The following ZC3H8 variants were observed in gnomAD, a reference collection of about 807,000 sequenced individuals.
The protein encoded by ZC3H8 is zinc finger CCCH domain-containing protein 8.
A neutral mutation model predicts 42.5 loss-of-function variants in ZC3H8; 27 were observed. The ratio of observed to expected loss-of-function variants is 0.64; its 90% CI spans 0.47 to 0.88. The LOEUF (loss-of-function observed/expected upper bound fraction) is 0.88. ZC3H8 is among the 40% of genes least tolerant of loss of function. The probability of loss-of-function intolerance (pLI) is 0.00; values close to 1 mark genes in which losing one functional copy is unlikely to be tolerated. For synonymous variants in ZC3H8, 101 were observed against 110.1 expected (o/e 0.92, Z 0.52); for missense variants, 277 against 336.1 (o/e 0.82, Z 1.37).
At chr2:112,218,118 A>G (rs1684409558) in intron 8 of ZC3H8, among the ~76,000 whole-genome samples, 1 of 152,222 alleles carries the variant, frequency 6.6e-6, no homozygotes, top group Admixed American at 6.5e-5. Context: ...TGCAACTCAG[A>G]TAACACAGCA....
At chr2:112,254,565 C>A (rs185898860) in intron 1 of ZC3H8, among the ~76,000 whole-genome samples, 1 of 152,364 alleles carries the variant, frequency 6.6e-6, no homozygotes, top group African/African-American at 2.4e-5. Flanking sequence ...ACGGTAAAGA[C>A]AGACGCTACG....
intron 5 of ZC3H8, among the ~76,000 whole-genome samples, chr2:112,233,761 T>C (rs1296479082): frequency 6.6e-6 from 1 of 151,816 alleles, no homozygotes; most frequent in Non-Finnish European, 1.5e-5. Flanking sequence ...CCCAGCTACT[T>C]GGGAGGCTGA....
At position 112,244,163 on chromosome 2, in the gene ZC3H8, A is replaced by G. The variant is rs149108043; in HGVS notation, c.157-5635T>C. Among the ~76,000 whole-genome samples, 339 of 152,284 alleles carry G rather than the reference A, an allele frequency of 2.2e-3. 4 individuals are homozygous for G. Among genetic ancestry groups the G allele is most frequent in the African/African-American group, 7.8e-3 (322 of 41,538 alleles). Reference sequence around the variant, plus strand: ...TGCCAAGAATGAAGAGAAGAGCCTTAAAGCTTCCAGAGAAAACAGGATACT... The same window carrying G: ...TGCCAAGAATGAAGAGAAGAGCCTTGAAGCTTCCAGAGAAAACAGGATACT... On this transcript the variant is annotated intron_variant, in intron 2 of 8. Transcript: ENST00000409573.
At position 112,212,988 on chromosome 2, in the gene ZC3H8, T is replaced by TTTTTTTTTTTC. The variant is rs1553483034; in HGVS notation, c.*3495_*3496insGAAAAAAAAAA. On this transcript the variant is annotated 3_prime_UTR_variant, in exon 9 of 9. Transcript: ENST00000409573. ...TGCTTTTTTTTTTTTTTTTTTTTTT[T>TTTTTTTTTTTC]ATAAGAGACAAGGCTCTGTTGCCCA... 13 of 115,564 alleles carry TTTTTTTTTTTC rather than the reference T, an allele frequency of 1.1e-4. No individual in the cohort carries two copies. The highest frequency in any genetic ancestry group is 4.5e-4 in the African/African-American group (13 of 28,580). 7.2% of individuals were successfully genotyped at this position (115,564 alleles called of 1,614,324 possible).
chr2:112,232,639 T>C (rs984801715), intron 6 of ZC3H8, among the ~76,000 whole-genome samples: 1 of 152,208 alleles, frequency 6.6e-6, no homozygotes, highest in Non-Finnish European at 1.5e-5. Context: ...CTTTGTACAT[T>C]AGACTTGTTT....
intron 8 of ZC3H8, among the ~76,000 whole-genome samples, chr2:112,222,969 A>G (rs1684653628): frequency 6.6e-6 from 1 of 152,238 alleles, no homozygotes; most frequent in African/African-American, 2.4e-5. Context: ...CTTTTAAAGT[A>G]TCCATCTATT....
At chr2:112,233,227 T>TATAAAGA (rs143473380) in intron 6 of ZC3H8, 33 bp downstream of exon 6, 186,365 of 1,387,436 alleles carry the variant, frequency 0.13, 13,657 homozygotes, top group Non-Finnish European at 0.14. Context: ...TGTAAATATT[T>TATAAAGA]ATAAAGTCAC....
intron 2 of ZC3H8, among the ~76,000 whole-genome samples, chr2:112,240,988 CGTGT>C (rs373421746): frequency 4.9e-4 from 66 of 134,382 alleles, no homozygotes; most frequent in South Asian, 1.2e-3. Context: ...TGTGTGTGCG[CGTGT>C]GTATGTGTGT....
chr2:112,234,170 G>C lies in ZC3H8; in HGVS notation c.571C>G (p.Arg191Gly). Residue 191 changes from arginine (R) to glycine (G), a missense_variant, in exon 5 of 9, where the codon CGC becomes GGC. Transcript: ENST00000409573. ...QAFINQHTVE[R>G]KGKQICKYFL... Reference sequence around the variant, plus strand: ...TATTTACAAATTTGTTTTCCCTTGCGTTCCACTGTATGTTGGTTGATGAAT... The same window carrying C: ...TATTTACAAATTTGTTTTCCCTTGCCTTCCACTGTATGTTGGTTGATGAAT... The C allele has an allele frequency of 6.2e-7, 1 of 1,606,390 alleles. No homozygotes were observed. The highest frequency in any genetic ancestry group is 1.1e-5 in the South Asian group (1 of 89,150).
chr2:112,232,021 T>C (rs1685113855), intron 6 of ZC3H8, 74 bp from the exon 7 acceptor site: 1 of 916,604 alleles, frequency 1.1e-6, no homozygotes, highest in Non-Finnish European at 1.6e-6. Context: ...GACTTTATTT[T>C]TCCTAAATAA....
chr2:112,238,225 A>T, intron 3 of ZC3H8, 90 bp downstream of exon 3: 1 of 1,271,430 alleles, frequency 7.9e-7, no homozygotes, highest in South Asian at 1.4e-5. Flanking sequence ...TCATAAGATA[A>T]AGTGCAAAGA....
chr2:112,251,056 T>A (rs72831664), intron 1 of ZC3H8, among the ~76,000 whole-genome samples: 19,053 of 152,224 alleles, frequency 0.13, 1,371 homozygotes, highest in Non-Finnish European at 0.16. Context: ...AATGTATAGA[T>A]GTATCTGAAT....
At chr2:112,245,901 G>A (rs956622236) in intron 2 of ZC3H8, among the ~76,000 whole-genome samples, 6 of 152,134 alleles carry the variant, frequency 3.9e-5, no homozygotes. Context: ...AATTGCACTT[G>A]CACCCCGTAA....
At chr2:112,224,288 A>T (rs1259198499) in intron 8 of ZC3H8, among the ~76,000 whole-genome samples, 1 of 152,252 alleles carries the variant, frequency 6.6e-6, no homozygotes, top group East Asian at 1.9e-4. Context: ...CAGAATAAAA[A>T]GAAAAACTCT....
chr2:112,252,168 G>C (rs953722752), intron 1 of ZC3H8, among the ~76,000 whole-genome samples: 16 of 152,076 alleles, frequency 1.1e-4, no homozygotes, highest in Admixed American at 1.0e-3. Context: ...TCCAAACAGA[G>C]CTAACTTCCT....
intron 8 of ZC3H8, among the ~76,000 whole-genome samples, chr2:112,223,135 C>T (rs970059140): frequency 6.6e-6 from 1 of 151,896 alleles, no homozygotes; most frequent in East Asian, 1.9e-4. Context: ...GGAGGGATAG[C>T]ATTAGGAGAT....
intron 4 of ZC3H8, among the ~76,000 whole-genome samples, chr2:112,235,909 T>C (rs1175345208): frequency 1.3e-5 from 2 of 150,468 alleles, no homozygotes; most frequent in Non-Finnish European, 1.5e-5. Flanking sequence ...GCTTCCCATT[T>C]TTCCCGAGTC....
At chr2:112,220,187 A>G (rs1465943551) in intron 8 of ZC3H8, among the ~76,000 whole-genome samples, 1 of 152,220 alleles carries the variant, frequency 6.6e-6, no homozygotes, top group Non-Finnish European at 1.5e-5. Context: ...TGATCCTGTC[A>G]TAACATTGTT....
chr2:112,245,808 G>A (rs72831662), intron 2 of ZC3H8, among the ~76,000 whole-genome samples: 19,424 of 152,196 alleles, frequency 0.13, 1,412 homozygotes, highest in Non-Finnish European at 0.16. Flanking sequence ...GATGCCACTT[G>A]GGACTTTCAT....
Sources: allele counts gnomAD v4.1 joint callset (sites outside exome capture counted in the v4.1 genomes callset), GRCh38; gene constraint gnomAD v4.1.1; transcripts MANE v1.5; gene names NCBI Gene and HGNC (gene_info 2026-07-23, HGNC 2026-07-21).